Variants in SPOP observed in about 807,000 individuals in gnomAD.
SPOP encodes speckle type BTB/POZ protein.
Under a neutral mutation model 45.6 loss-of-function variants are expected in SPOP, and 11 were observed. The ratio of observed to expected loss-of-function variants is 0.24; its 90% CI spans 0.15 to 0.40. The LOEUF (loss-of-function observed/expected upper bound fraction) is 0.40, where lower values mean the gene tolerates loss of function less well. SPOP is among the 10% of genes least tolerant of loss of function. The pLI, the probability that SPOP is intolerant of heterozygous loss-of-function variation, is 1.00. For synonymous variants in SPOP, 166 were observed against 166.3 expected (o/e 1.00, Z 0.01); for missense variants, 152 against 465.6 (o/e 0.33, Z 6.20).
rs186715920 is a variant in SPOP at position 49,677,389 on chromosome 17, A to G, written c.-67+544T>C. ...GTAGCCTGGGAGTCTCTAGGGCAACACCAGATGAGAATAGTGCTTTGTCCG... is the reference window on the plus strand; with the variant it reads ...GTAGCCTGGGAGTCTCTAGGGCAACGCCAGATGAGAATAGTGCTTTGTCCG... On this transcript the variant is annotated intron_variant, in intron 1 of 9. Coordinates refer to ENST00000504102, the MANE Select transcript of SPOP (RefSeq NM_001007228.2). 2.9e-4 allele frequency among the ~76,000 whole-genome samples: 44 copies of G among 152,368 alleles called. No homozygotes were observed. The East Asian group carries it at 6.9e-3, about 24-fold the overall frequency.
intron 7 of SPOP, 27 bp downstream of exon 7, chr17:49,607,847 C>G: frequency 6.2e-7 from 1 of 1,601,690 alleles, no homozygotes; most frequent in Non-Finnish European, 8.5e-7. Context: ...CCTGGCTAAA[C>G]AGACATGTCT....
intron 1 of SPOP, among the ~76,000 whole-genome samples, chr17:49,667,767 AAGC>A (rs1272202444): frequency 1.3e-5 from 2 of 152,180 alleles, no homozygotes; most frequent in African/African-American, 2.4e-5. Flanking sequence ...AAAGAACTGA[AAGC>A]AGGGTCTCGA....
chr17:49,616,944 T>C (rs536813338), intron 5 of SPOP, among the ~76,000 whole-genome samples: 4 of 152,296 alleles, frequency 2.6e-5, no homozygotes, highest in African/African-American at 9.6e-5. Context: ...GAGAATTTCA[T>C]ATGGGGAAGT....
At chr17:49,606,692 G>A (rs938042646) in intron 8 of SPOP, among the ~76,000 whole-genome samples, 1 of 148,476 alleles carries the variant, frequency 6.7e-6, no homozygotes, top group African/African-American at 2.5e-5. Context: ...ATGGGGTTTC[G>A]CCACGTTGCC....
At chr17:49,616,964 G>C (rs1054145978) in intron 5 of SPOP, among the ~76,000 whole-genome samples, 1 of 152,244 alleles carries the variant, frequency 6.6e-6, no homozygotes, top group Non-Finnish European at 1.5e-5. Context: ...TGAAGGGAGA[G>C]AGCGAGCGAG....
intron 5 of SPOP, among the ~76,000 whole-genome samples, chr17:49,615,196 CT>C (rs2072058817): frequency 6.6e-6 from 1 of 152,210 alleles, no homozygotes; most frequent in South Asian, 2.1e-4. Context: ...AAGATCCCAT[CT>C]CTTAAAAAAT....
At chr17:49,623,101 T>C (rs2072253835) in intron 1 of SPOP, among the ~76,000 whole-genome samples, 2 of 151,994 alleles carry the variant, frequency 1.3e-5, no homozygotes, top group Non-Finnish European at 2.9e-5. Flanking sequence ...CCGCCTTTCC[T>C]GGGTTCAAGT....
chr17:49,600,130 C>T lies in SPOP; in HGVS notation c.*248G>A. 1.9e-6 allele frequency: 1 copy of T among 525,806 alleles called. No individual in the cohort carries two copies. The highest frequency in any genetic ancestry group is 3.4e-6 in the Non-Finnish European group (1 of 293,856). The allele number at this position is 525,806 out of a possible 1,614,324, so 32.6% of individuals were successfully genotyped here. ...GGCCAGCGCCTAAACTGAATCCCCACAGTATCAAACTCAGCCAGGCCAAAG... is the reference window on the plus strand; with the variant it reads ...GGCCAGCGCCTAAACTGAATCCCCATAGTATCAAACTCAGCCAGGCCAAAG... On this transcript the variant is annotated 3_prime_UTR_variant, in exon 10 of 10. Coordinates refer to ENST00000504102, the MANE Select transcript of SPOP (RefSeq NM_001007228.2). The surrounding 1 kb of genome is among the most constrained non-coding windows in gnomAD (Gnocchi z 4.2).
intron 1 of SPOP, among the ~76,000 whole-genome samples, chr17:49,639,245 G>A (rs568972619): frequency 1.4e-4 from 22 of 151,934 alleles, no homozygotes; most frequent in Admixed American, 4.6e-4. Context: ...TAAGCTTAAG[G>A]TTTGGGTTTC....
chr17:49,661,693 C>T (rs1427041460), intron 1 of SPOP, among the ~76,000 whole-genome samples: 1 of 152,216 alleles, frequency 6.6e-6, no homozygotes. Context: ...AGTCAGTTAA[C>T]ACTATTCCCT....
chr17:49,645,246 G>C (rs939095396), intron 1 of SPOP, among the ~76,000 whole-genome samples: 1 of 152,072 alleles, frequency 6.6e-6, no homozygotes, highest in East Asian at 1.9e-4. Context: ...CTTAAGCAGA[G>C]AAAGTATAGG....
rs1260624212 is a variant in SPOP, at chr17:49,619,534, T to A, written c.201-149A>T. ...GTAGAATGACTAGTTGGGAACAACT[T>A]TTTTCTCTTTTTTTTTGAGACATGG... On this transcript the variant is annotated intron_variant, in intron 3 of 9. Transcript: ENST00000504102. The surrounding 1 kb of genome is among the most constrained non-coding windows in gnomAD (Gnocchi z 4.9). The A allele has an allele frequency of 2.2e-6, 2 of 905,164 alleles. No individual in the cohort carries two copies. Among genetic ancestry groups the A allele is most frequent in the Non-Finnish European group, 3.2e-6 (2 of 617,444 alleles). 56.1% of individuals were successfully genotyped at this position (905,164 alleles called of 1,614,324 possible). A position where few individuals can be genotyped will look rare whatever the true frequency, so the allele number is the denominator to read the frequency against.
At chr17:49,622,117 A>C (rs1469093915) in intron 2 of SPOP, 50 bp from the exon 3 acceptor site, 4 of 1,599,998 alleles carry the variant, frequency 2.5e-6, no homozygotes, top group Non-Finnish European at 3.4e-6. Context: ...GACAACCTGA[A>C]AAAACAGGAT....
chr17:49,663,591 T>A (rs2073016137), intron 1 of SPOP, among the ~76,000 whole-genome samples: 1 of 151,782 alleles, frequency 6.6e-6, no homozygotes, highest in Admixed American at 6.6e-5. Flanking sequence ...TTAAATAGTC[T>A]GTAAAAAAAC....
At chr17:49,631,676 C>T (rs1159116438) in intron 1 of SPOP, among the ~76,000 whole-genome samples, 1 of 152,172 alleles carries the variant, frequency 6.6e-6, no homozygotes, top group African/African-American at 2.4e-5. Flanking sequence ...ACCTCCCTGA[C>T]CTTCTCTAAC....
chr17:49,615,129 G>C (rs566184104), intron 5 of SPOP, among the ~76,000 whole-genome samples: 1 of 152,228 alleles, frequency 6.6e-6, no homozygotes, highest in African/African-American at 2.4e-5. Flanking sequence ...AAAGTGCTGG[G>C]ATTACAGGTT....
rs2072238746 is a variant in SPOP at position 49,622,443 on chromosome 17, GT to G, written c.78+289del. On this transcript the variant is annotated intron_variant, in intron 2 of 9. Coordinates refer to ENST00000504102, the MANE Select transcript of SPOP (RefSeq NM_001007228.2). ...GCCTGGGGTTGCACATCTCAAACTT[GT>G]TTCCCCAACAGAGGAAACTCAGAAC... 5 of 520,396 alleles carry G rather than the reference GT, an allele frequency of 9.6e-6. No homozygotes were observed. The Middle Eastern group carries it at 1.4e-3, about 151-fold the overall frequency. 32.2% of individuals were successfully genotyped at this position (520,396 alleles called of 1,614,324 possible). A position where few individuals can be genotyped will look rare whatever the true frequency, so the allele number is the denominator to read the frequency against.
At chr17:49,647,980 T>C (rs2072787044) in intron 1 of SPOP, among the ~76,000 whole-genome samples, 1 of 152,220 alleles carries the variant, frequency 6.6e-6, no homozygotes, top group East Asian at 1.9e-4. Context: ...TTTTTACCAT[T>C]CTTTAATTAT....
intron 1 of SPOP, among the ~76,000 whole-genome samples, chr17:49,627,260 TG>T (rs2072354081): frequency 6.6e-6 from 1 of 152,242 alleles, no homozygotes; most frequent in South Asian, 2.1e-4. Flanking sequence ...CTCCCTGGCT[TG>T]TGCAATTCAT....
Sources: gnomAD v4.1 joint callset for allele counts (sites outside exome capture counted in the v4.1 genomes callset) on GRCh38, gnomAD v4.1.1 for gene constraint, Gnocchi (gnomAD v3.1) non-coding constraint, MANE v1.5 for transcripts, NCBI Gene and HGNC (gene_info 2026-07-23, HGNC 2026-07-21) for gene names.